The following TENM4 variants were observed in gnomAD, a reference collection of about 807,000 sequenced individuals.
TENM4 encodes the protein teneurin transmembrane protein 4.
Under a neutral mutation model 243.3 loss-of-function variants are expected in TENM4, and 82 were observed. The ratio of observed to expected loss-of-function variants is 0.34; its 90% CI spans 0.28 to 0.40. The LOEUF is 0.40. TENM4 is among the 10% of genes least tolerant of loss of function. The probability of loss-of-function intolerance (pLI) is 1.00; values close to 1 mark genes in which losing one functional copy is unlikely to be tolerated. For missense variants in TENM4, 3,138 were observed against 3,673.3 expected (o/e 0.85, Z 3.77); for synonymous variants, 1,412 against 1,456.3 (o/e 0.97, Z 0.69).
intron 29 of TENM4, among the ~76,000 whole-genome samples, chr11:78,687,160 G>T (rs1377267711): frequency 6.6e-6 from 1 of 152,110 alleles, no homozygotes; most frequent in Non-Finnish European, 1.5e-5. Context: ...GTGGGAACTG[G>T]CATGATGGGC....
chr11:78,771,598 G>T (rs1051784394), intron 17 of TENM4, among the ~76,000 whole-genome samples: 3 of 152,082 alleles, frequency 2.0e-5, no homozygotes, highest in African/African-American at 7.2e-5. Context: ...ATCACTTCTG[G>T]GTATCATTCT....
chr11:78,984,345 G>C (rs1857871363), intron 6 of TENM4, among the ~76,000 whole-genome samples: 1 of 152,190 alleles, frequency 6.6e-6, no homozygotes, highest in Non-Finnish European at 1.5e-5. Context: ...TGAAGGGCTA[G>C]ATACCCTCGA....
intron 6 of TENM4, among the ~76,000 whole-genome samples, chr11:78,921,610 G>T (rs1293053537): frequency 6.6e-6 from 1 of 152,186 alleles, no homozygotes; most frequent in African/African-American, 2.4e-5. Flanking sequence ...GGGGAATCCT[G>T]CTTTCCCAGT....
At chr11:79,208,964 A>G (rs1212557676) in intron 3 of TENM4, among the ~76,000 whole-genome samples, 1 of 152,158 alleles carries the variant, frequency 6.6e-6, no homozygotes, top group Admixed American at 6.5e-5. Context: ...AGCCTTGCAA[A>G]CAACCCTCGG....
intron 12 of TENM4, among the ~76,000 whole-genome samples, chr11:78,820,577 T>C (rs1857704883): frequency 6.6e-6 from 1 of 152,190 alleles, no homozygotes; most frequent in African/African-American, 2.4e-5. Context: ...AGAGCTGGTA[T>C]TTTGGTTTTA....
intron 1 of TENM4, among the ~76,000 whole-genome samples, chr11:79,415,597 T>C (rs1313466671): frequency 1.3e-5 from 2 of 152,168 alleles, no homozygotes; most frequent in Non-Finnish European, 2.9e-5. Flanking sequence ...AAGGTGACAG[T>C]GAGTGCTGGG....
intron 1 of TENM4, among the ~76,000 whole-genome samples, chr11:79,314,202 A>T (rs1856767342): frequency 6.6e-6 from 1 of 152,208 alleles, no homozygotes; most frequent in Non-Finnish European, 1.5e-5. Context: ...AGTAGGAATG[A>T]TAATGCCTGC....
At chr11:78,914,179 G>A (rs924255034) in intron 6 of TENM4, among the ~76,000 whole-genome samples, 1 of 152,030 alleles carries the variant, frequency 6.6e-6, no homozygotes, top group Non-Finnish European at 1.5e-5. Context: ...TTCTTTCTCT[G>A]GGCCTCAATT....
At chr11:79,149,434 A>C (rs1862452457) in intron 3 of TENM4, among the ~76,000 whole-genome samples, 1 of 152,056 alleles carries the variant, frequency 6.6e-6, no homozygotes, top group East Asian at 1.9e-4. Flanking sequence ...ACAACTTTTG[A>C]TATTTAATAT....
intron 2 of TENM4, among the ~76,000 whole-genome samples, chr11:79,275,028 A>G (rs938831957): frequency 6.6e-6 from 1 of 152,076 alleles, no homozygotes; most frequent in Non-Finnish European, 1.5e-5. Context: ...TGTATTTTAT[A>G]CACTTTGGAT....
At chr11:79,329,378 A>G (rs1857025163) in intron 1 of TENM4, among the ~76,000 whole-genome samples, 1 of 152,180 alleles carries the variant, frequency 6.6e-6, no homozygotes, top group African/African-American at 2.4e-5. Context: ...TCATTCATCA[A>G]ATATTTGCTA....
chr11:79,406,462 G>C (rs1004541405), intron 1 of TENM4, among the ~76,000 whole-genome samples: 1 of 152,138 alleles, frequency 6.6e-6, no homozygotes. Flanking sequence ...AAGCATTGGC[G>C]AGGTATTAAA....
intron 27 of TENM4, among the ~76,000 whole-genome samples, chr11:78,704,554 T>C (rs1047594698): frequency 4.6e-5 from 7 of 152,070 alleles, no homozygotes; most frequent in East Asian, 1.9e-4. Flanking sequence ...TTTAATGACA[T>C]GGAGAAATGT....
At chr11:79,431,088 T>C (rs1268135449) in intron 1 of TENM4, among the ~76,000 whole-genome samples, 1 of 152,144 alleles carries the variant, frequency 6.6e-6, no homozygotes, top group African/African-American at 2.4e-5. Flanking sequence ...CAAAACTTAA[T>C]AAAGAAAAAA....
At chr11:79,047,841 G>T (rs771207937) in intron 6 of TENM4, among the ~76,000 whole-genome samples, 7 of 152,172 alleles carry the variant, frequency 4.6e-5, no homozygotes, top group Non-Finnish European at 8.8e-5. Context: ...TTTAAGAGGA[G>T]AATGAAATGA....
intron 1 of TENM4, among the ~76,000 whole-genome samples, chr11:79,433,978 T>G (rs1421841812): frequency 1.3e-5 from 2 of 152,178 alleles, no homozygotes; most frequent in Non-Finnish European, 2.9e-5. Context: ...GAACTCCTCA[T>G]GTCTCCTGCT....
chr11:78,812,114 A>T lies in TENM4; in HGVS notation c.1978+8T>A. 1 of 1,547,092 alleles carries T rather than the reference A, an allele frequency of 6.5e-7. No homozygotes were observed. The highest frequency in any genetic ancestry group is 8.7e-7 in the Non-Finnish European group (1 of 1,144,704). On this transcript the variant is annotated splice_region_variant and intron_variant, in intron 14 of 33. Transcript: ENST00000278550. ...GAAGGTGCCGGAGCTGCCACCTGCA[A>T]CTCTTACCTTCCTCACAGCTCTCGC...
At chr11:79,001,585 C>T (rs940293467) in intron 6 of TENM4, among the ~76,000 whole-genome samples, 2 of 152,200 alleles carry the variant, frequency 1.3e-5, no homozygotes, top group African/African-American at 2.4e-5. Context: ...GGTGCAGGAA[C>T]ATCTGCAGTA....
chr11:78,695,915 G>A (rs934660966), intron 28 of TENM4, among the ~76,000 whole-genome samples: 1 of 151,298 alleles, frequency 6.6e-6, no homozygotes, highest in Non-Finnish European at 1.5e-5. Context: ...TTGGATCTGT[G>A]GTTTGGTGTC....
Sources: gnomAD v4.1 joint callset for allele counts (sites outside exome capture counted in the v4.1 genomes callset) on GRCh38, gnomAD v4.1.1 for gene constraint, MANE v1.5 for transcripts, NCBI Gene and HGNC (gene_info 2026-07-23, HGNC 2026-07-21) for gene names.